MFGE8: variants seen among roughly 807,000 people sequenced by gnomAD.
The protein encoded by MFGE8 is milk fat globule EGF and factor V/VIII domain containing.
MFGE8 carries 34 observed loss-of-function variants against 42.6 expected under a neutral mutation model. The ratio of observed to expected loss-of-function variants is 0.80; its 90% CI spans 0.61 to 1.06. MFGE8 has a LOEUF of 1.06. Among genes scored for constraint, MFGE8 ranks in the 50% least tolerant of loss-of-function variants. The probability of loss-of-function intolerance (pLI) is 0.00; values close to 1 mark genes in which losing one functional copy is unlikely to be tolerated. For missense variants in MFGE8, 510 were observed against 516.9 expected (o/e 0.99, Z 0.13); for synonymous variants, 230 against 214.8 (o/e 1.07, Z -0.62).
intron 6 of MFGE8, among the ~76,000 whole-genome samples, chr15:88,901,263 GCACGCATTCACACA>G (rs1481119322): frequency 6.1e-5 from 6 of 97,852 alleles, no homozygotes; most frequent in Non-Finnish European, 1.1e-4. Flanking sequence ...GCATTCACAC[GCACGCATTCACACA>G]CACTCACATT....
At chr15:88,909,615 C>G (rs938841260) in intron 2 of MFGE8, among the ~76,000 whole-genome samples, 177 bp downstream of exon 2, 3 of 152,346 alleles carry the variant, frequency 2.0e-5, no homozygotes, top group African/African-American at 4.8e-5. Context: ...CCTTTTCCCC[C>G]CTCGGTCTAA....
intron 6 of MFGE8, 28 bp downstream of exon 6, chr15:88,901,523 G>GCC: frequency 4.7e-6 from 4 of 852,202 alleles, no homozygotes; most frequent in Non-Finnish European, 7.5e-6. Context: ...CCCAACCCCA[G>GCC]CCCCATATCC....
At chr15:88,910,327 C>T (rs903069864) in intron 1 of MFGE8, 2 of 329,206 alleles carry the variant, frequency 6.1e-6, no homozygotes, top group Non-Finnish European at 1.2e-5. Flanking sequence ...CAGGCAGGGG[C>T]AGTGGAAGGA....
Position 88,905,395 on chromosome 15 carries a change from C to A in MFGE8, c.685+362G>T. On this transcript the variant is annotated intron_variant, in intron 5 of 7. Transcript: ENST00000268150. The surrounding 1 kb of genome is among the most constrained non-coding windows in gnomAD (Gnocchi z 6.6). ...ATTCTAGGCCCTGGGAATACCGAAG[C>A]AAACAAAACAGACAGATTCTCTGCC... 4.3e-6 allele frequency: 2 copies of A among 464,046 alleles called. No individual in the cohort carries two copies. Among genetic ancestry groups the A allele is most frequent in the South Asian group, 3.3e-5 (2 of 59,846 alleles). 28.7% of individuals were successfully genotyped at this position (464,046 alleles called of 1,614,324 possible).
chr15:88,899,265 TGTG>T lies in MFGE8; in HGVS notation c.*127_*129del. The T allele has an allele frequency of 8.0e-7, 1 of 1,245,012 alleles. No individual in the cohort carries two copies. The highest frequency in any genetic ancestry group is 1.1e-6 in the Non-Finnish European group (1 of 883,816). 77.1% of individuals were successfully genotyped at this position (1,245,012 alleles called of 1,614,324 possible). A position where few individuals can be genotyped will look rare whatever the true frequency, so the allele number is the denominator to read the frequency against. The stretch of plus-strand genomic sequence containing the variant: ...GGAAAGAGGGAGGGAGGGGTGACTG[TGTG>T]GTGGTGCTGCCTCTGAACACCCTCC... On this transcript the variant is annotated 3_prime_UTR_variant, in exon 8 of 8. Coordinates refer to ENST00000268150, the MANE Select transcript of MFGE8 (RefSeq NM_005928.4). This position sits in a 1 kb window ranked among gnomAD's most constrained non-coding sequence, Gnocchi z 6.8.
At chr15:88,901,803 A>G in intron 5 of MFGE8, 68 bp from the exon 6 acceptor site, 1 of 1,490,250 alleles carries the variant, frequency 6.7e-7, no homozygotes, top group East Asian at 2.3e-5. Context: ...GCACAAGGCG[A>G]TGAAGCAGAA....
chr15:88,901,112 CACAT>C (rs200614506), intron 6 of MFGE8, among the ~76,000 whole-genome samples: 5,796 of 108,676 alleles, frequency 0.053, 876 homozygotes, highest in South Asian at 0.14. Context: ...TACACATTCA[CACAT>C]ACACATTCAC....
intron 6 of MFGE8, chr15:88,900,616 G>C: frequency 2.8e-6 from 2 of 705,350 alleles, no homozygotes; most frequent in Non-Finnish European, 1.7e-6. Context: ...GCTGCACCTG[G>C]ACACACAGTT....
Position 88,905,964 on chromosome 15 carries a change from T to A in MFGE8, c.541-63A>T. The A allele has an allele frequency of 1.3e-6, 2 of 1,591,520 alleles. No homozygotes were observed. Among genetic ancestry groups the A allele is most frequent in the Non-Finnish European group, 1.7e-6 (2 of 1,160,234 alleles). ...TCTGAGCAGTCCCCCTCCCTGGGGTTACCTCATCTTCCTCTTCAGACCTGG... is the reference window on the plus strand; with the variant it reads ...TCTGAGCAGTCCCCCTCCCTGGGGTAACCTCATCTTCCTCTTCAGACCTGG... On this transcript the variant is annotated intron_variant, in intron 4 of 7. Transcript: ENST00000268150. The surrounding 1 kb of genome is among the most constrained non-coding windows in gnomAD (Gnocchi z 6.6).
chr15:88,905,328 T>C lies in MFGE8; in HGVS notation c.685+429A>G. Reference sequence around the variant, plus strand: ...CCACGCCCCTCATTCATTCATTCGCTCATTCATCAAATATTTATTGAGTAC... The same window carrying C: ...CCACGCCCCTCATTCATTCATTCGCCCATTCATCAAATATTTATTGAGTAC... On this transcript the variant is annotated intron_variant, in intron 5 of 7. Transcript: ENST00000268150. This position sits in a 1 kb window ranked among gnomAD's most constrained non-coding sequence, Gnocchi z 6.6. 1 of 369,594 alleles carries C rather than the reference T, an allele frequency of 2.7e-6. No homozygotes were observed. The highest frequency in any genetic ancestry group is 7.2e-5 in the East Asian group (1 of 13,888). 22.9% of individuals were successfully genotyped at this position (369,594 alleles called of 1,614,324 possible). A position where few individuals can be genotyped will look rare whatever the true frequency, so the allele number is the denominator to read the frequency against.
At position 88,907,317 on chromosome 15, in the gene MFGE8, A is replaced by T. The variant is rs1261171090; in HGVS notation, c.265T>A (p.Ser89Thr). The T allele has an allele frequency of 6.2e-7, 1 of 1,614,168 alleles. No homozygotes were observed. Among genetic ancestry groups the T allele is most frequent in the East Asian group, 2.2e-5 (1 of 44,870 alleles). The change falls in exon 3 of 8, where the codon TCG becomes ACG. Residue 89 changes from serine (S) to threonine (T), a missense_variant. By Grantham distance (58) the Ser-to-Thr change is moderately conservative (BLOSUM62 1). Coordinates refer to ENST00000268150, the MANE Select transcript of MFGE8 (RefSeq NM_005928.4). ...GNIANSQIAA[S>T]SVRVTFLGLQ... is the part of the protein sequence containing the mutation. ...CCCAAGAAGGTCACACGCACAGACGAGGCGGCGATCTGTGAGTTGGCAATG... is the reference window on the plus strand; with the variant it reads ...CCCAAGAAGGTCACACGCACAGACGTGGCGGCGATCTGTGAGTTGGCAATG...
At position 88,903,537 on chromosome 15, in the gene MFGE8, G is replaced by A. The variant is rs1010214732; in HGVS notation, c.686-1802C>T. 1 of 152,104 alleles carries A rather than the reference G, an allele frequency of 6.6e-6. No homozygotes were observed. The highest frequency in any genetic ancestry group is 2.4e-5 in the African/African-American group (1 of 41,394). 9.4% of individuals were successfully genotyped at this position (152,104 alleles called of 1,614,324 possible). ...CTCGCTCTGTCACCCAGGCTGGAGT[G>A]CAGTGGCATGATCTCGGCTCACTGC... is the stretch of plus-strand genomic sequence containing the variant. On this transcript the variant is annotated intron_variant, in intron 5 of 7. Transcript: ENST00000268150. The surrounding 1 kb of genome is among the most constrained non-coding windows in gnomAD (Gnocchi z 4.9).
At chr15:88,912,182 T>A (rs1596206576) in intron 1 of MFGE8, 3 of 1,289,852 alleles carry the variant, frequency 2.3e-6, no homozygotes, top group Non-Finnish European at 3.0e-6. Flanking sequence ...TCACCCTGTA[T>A]AAAAACATCT....
Position 88,901,692 on chromosome 15 carries a change from G to A in MFGE8, c.729C>T (p.Asp243=). 6.2e-7 allele frequency: 1 copy of A among 1,613,864 alleles called. No homozygotes were observed. Among genetic ancestry groups the A allele is most frequent in the Non-Finnish European group, 8.5e-7 (1 of 1,180,012 alleles). Residue 243 remains aspartate (D), a synonymous_variant, in exon 6 of 8, where the codon GAC becomes GAT. Coordinates refer to ENST00000268150, the MANE Select transcript of MFGE8 (RefSeq NM_005928.4). ...PLGLKNNSIP[D]KQITASSSYK... is the part of the protein sequence containing the mutation. ...AGCTGCTGGAGGCCGTGATCTGCTT[G>A]TCAGGGATGCTGTTATTCTTCAGGC...
Position 88,905,827 on chromosome 15 carries a change from C to T in MFGE8, c.615G>A (p.Val205=). 6.2e-7 allele frequency: 1 copy of T among 1,614,220 alleles called. No homozygotes were observed. Among genetic ancestry groups the T allele is most frequent in the South Asian group, 1.1e-5 (1 of 91,088 alleles). ...TGTGGCAGCTCGTGGGGTACAATCT[C>T]ACGTACTGAGCCTCCACAGGGGTCT... ...LFETPVEAQY[V]RLYPTSCHTA... is the part of the protein sequence containing the mutation. The change falls in exon 5 of 8, where the codon GTG becomes GTA. Residue 205 remains valine (V), a synonymous_variant. Coordinates refer to ENST00000268150, the MANE Select transcript of MFGE8 (RefSeq NM_005928.4). The surrounding 1 kb of genome is among the most constrained non-coding windows in gnomAD (Gnocchi z 6.6).
rs1156518489 is a variant in MFGE8, at chr15:88,906,961, C to T, written c.388-183G>A. ...CTTCTTCTGCCCAGGCCTCCAGAGGCCTCATCCAGCACCAACAGCTCCTCC... is the reference window on the plus strand; with the variant it reads ...CTTCTTCTGCCCAGGCCTCCAGAGGTCTCATCCAGCACCAACAGCTCCTCC... On this transcript the variant is annotated intron_variant, in intron 3 of 7. Coordinates refer to ENST00000268150, the MANE Select transcript of MFGE8 (RefSeq NM_005928.4). The surrounding 1 kb of genome is among the most constrained non-coding windows in gnomAD (Gnocchi z 4.2). Among the ~76,000 whole-genome samples the T allele has an allele frequency of 1.3e-5, 2 of 152,196 alleles. No individual in the cohort carries two copies. The highest frequency in any genetic ancestry group is 2.9e-5 in the Non-Finnish European group (2 of 68,026).
chr15:88,906,194 A>G lies in MFGE8; in HGVS notation c.541-293T>C. The G allele has an allele frequency of 1.9e-6, 1 of 515,922 alleles. No homozygotes were observed. The highest frequency in any genetic ancestry group is 3.5e-6 in the Non-Finnish European group (1 of 284,480). The allele number at this position is 515,922 out of a possible 1,614,324, so 32.0% of individuals were successfully genotyped here. A position where few individuals can be genotyped will look rare whatever the true frequency, so the allele number is the denominator to read the frequency against. On this transcript the variant is annotated intron_variant, in intron 4 of 7. Coordinates refer to ENST00000268150, the MANE Select transcript of MFGE8 (RefSeq NM_005928.4). This position sits in a 1 kb window ranked among gnomAD's most constrained non-coding sequence, Gnocchi z 4.2. ...CAGGGTACCTCTTTGCAAATTAGGA[A>G]AAGGCACTCCTTTCTCAAATAGTTT...
At position 88,902,667 on chromosome 15, in the gene MFGE8, CG is replaced by C. The variant is rs1414753647; in HGVS notation, c.686-933del. The C allele has an allele frequency of 6.6e-6, 1 of 152,254 alleles. No homozygotes were observed. The highest frequency in any genetic ancestry group is 2.4e-5 in the African/African-American group (1 of 41,456). 9.4% of individuals were successfully genotyped at this position (152,254 alleles called of 1,614,324 possible). On this transcript the variant is annotated intron_variant, in intron 5 of 7. Coordinates refer to ENST00000268150, the MANE Select transcript of MFGE8 (RefSeq NM_005928.4). This position sits in a 1 kb window ranked among gnomAD's most constrained non-coding sequence, Gnocchi z 4.3. Reference sequence around the variant, plus strand: ...CTGCCCCAAACACTCAGGAATGTGCCGGGCTGCCTTGCACTTGTATCTGCAC... The same window carrying C: ...CTGCCCCAAACACTCAGGAATGTGCCGGCTGCCTTGCACTTGTATCTGCAC...
chr15:88,909,310 C>A (rs567040983), intron 2 of MFGE8, among the ~76,000 whole-genome samples: 1 of 152,228 alleles, frequency 6.6e-6, no homozygotes, highest in Non-Finnish European at 1.5e-5. Flanking sequence ...CCGAGCTCTG[C>A]GATGAGGCTG....
Sources: allele counts gnomAD v4.1 joint callset (sites outside exome capture counted in the v4.1 genomes callset), GRCh38; gene constraint gnomAD v4.1.1; non-coding constraint Gnocchi (gnomAD v3.1); transcripts MANE v1.5; gene names NCBI Gene and HGNC (gene_info 2026-07-23, HGNC 2026-07-21).